The following CARD9 variants were observed in gnomAD, a reference collection of about 807,000 sequenced individuals.
The protein encoded by CARD9 is caspase recruitment domain-containing protein 9.
In CARD9, 53 loss-of-function variants were observed where a neutral mutation model predicts 66.0. That is an observed-to-expected ratio of 0.80 (90% CI 0.64 to 1.01). CARD9 has a LOEUF of 1.01. Ranked by LOEUF, CARD9 falls within the 50% of genes least tolerant of loss-of-function variation. CARD9 has a pLI of 0.00. For synonymous variants in CARD9, 387 were observed against 313.8 expected, an observed-to-expected ratio of 1.23 and a Z score of -2.47; for missense variants, 769 against 743.2, an observed-to-expected ratio of 1.03 and a Z score of -0.40.
intron 7 of CARD9, among the ~76,000 whole-genome samples, chr9:136,368,459 G>A (rs1385842375): frequency 2.6e-5 from 4 of 152,240 alleles, no homozygotes; most frequent in Non-Finnish European, 5.9e-5. Flanking sequence ...GAGTGAGGCT[G>A]AGGTGGGGCT....
At chr9:136,370,187 G>A (rs1385782880) in intron 6 of CARD9, 107 bp downstream of exon 6, 7 of 1,512,890 alleles carry the variant, frequency 4.6e-6, no homozygotes, top group African/African-American at 2.8e-5. Flanking sequence ...TGGAGGCGCT[G>A]CACTGGGGTC....
intron 7 of CARD9, among the ~76,000 whole-genome samples, chr9:136,368,205 G>A (rs1182582973): frequency 2.0e-5 from 3 of 152,240 alleles, no homozygotes; most frequent in Admixed American, 1.3e-4. Flanking sequence ...TCCTCACTGC[G>A]GACACTGAGA....
In CARD9 at chr9:136,370,966, A is replaced by G. The variant is rs1195029502; in HGVS notation, c.502T>C (p.Cys168Arg). 8 of 1,610,322 alleles carry G rather than the reference A, an allele frequency of 5.0e-6. No homozygotes were observed. Among genetic ancestry groups the G allele is most frequent in the Admixed American group, 1.7e-5 (1 of 59,776 alleles). ...QERVQRLKEE[C>R]EAGSRELKRC... ...TTGAGCTCGCGGCTGCCGGCCTCGC[A>G]CTCCTCCTTGAGCCTCTGCACACGC... Residue 168 changes from cysteine (C) to arginine (R), a missense_variant, in exon 4 of 13, where the codon TGC (cysteine) becomes CGC (arginine). By Grantham distance (180) the Cys-to-Arg change is radical (BLOSUM62 -3). Transcript: ENST00000371732.
At chr9:136,372,244 C>T (rs144167615) in intron 1 of CARD9, 150 bp from the exon 2 acceptor site, 12,993 of 1,111,946 alleles carry the variant, frequency 0.012, 145 homozygotes, top group Non-Finnish European at 0.013. Context: ...TGCCCAGCTC[C>T]ATGTCCCATC....
Position 136,364,243 on chromosome 9 carries a change from C to CCGGGTGGCAGGAGG in CARD9, c.*45_*58dup. ...TCTGCGCCCCAGGGCGTCGGCACCC[C>CCGGGTGGCAGGAGG]CGGGTGGCAGGAGGCCGGGCCGGTG... On this transcript the variant is annotated 3_prime_UTR_variant, in exon 13 of 13. Coordinates refer to ENST00000371732, the MANE Select transcript of CARD9 (RefSeq NM_052813.5). 7 of 1,550,454 alleles carry CCGGGTGGCAGGAGG rather than the reference C, an allele frequency of 4.5e-6. No individual in the cohort carries two copies. Among genetic ancestry groups the CCGGGTGGCAGGAGG allele is most frequent in the Non-Finnish European group, 6.1e-6 (7 of 1,146,660 alleles).
intron 10 of CARD9, 94 bp from the exon 11 acceptor site, chr9:136,365,311 G>A: frequency 2.5e-6 from 3 of 1,190,496 alleles, no homozygotes; most frequent in Admixed American, 3.8e-5. Flanking sequence ...CAGTGGGGCT[G>A]TCTTCCAAGG....
intron 3 of CARD9, 25 bp from the exon 4 acceptor site, chr9:136,371,170 G>A: frequency 1.2e-6 from 2 of 1,610,614 alleles, no homozygotes; most frequent in Non-Finnish European, 1.7e-6. Flanking sequence ...AGTGTCAGAT[G>A]GTGCCGTGTT....
rs1462985722 is a variant in CARD9, at chr9:136,372,064, C to T, written c.15G>A (p.Glu5=). ...GGACGCTCCAGCACTCGTCATCGTT[C>T]TCGTAGTCCGACATGGCCTCAGCAG... MSDY[E]NDDECWSVLE... is the part of the protein sequence containing the mutation. The change falls in exon 2 of 13, where the codon GAG becomes GAA. Residue 5 remains glutamate, a synonymous_variant. Coordinates refer to ENST00000371732, the MANE Select transcript of CARD9 (RefSeq NM_052813.5). 1.9e-6 allele frequency: 3 copies of T among 1,612,686 alleles called. No homozygotes were observed. Among genetic ancestry groups the T allele is most frequent in the Middle Eastern group, 3.3e-4 (2 of 6,054 alleles).
intron 7 of CARD9, among the ~76,000 whole-genome samples, chr9:136,368,773 C>T (rs1833187112): frequency 6.6e-6 from 1 of 152,202 alleles, no homozygotes; most frequent in South Asian, 2.1e-4. Flanking sequence ...GCTGCAGCCT[C>T]AGCCTCCTAA....
At position 136,373,529 on chromosome 9, in the gene CARD9, C is replaced by T. The variant is rs915328417; in HGVS notation, c.-17+3G>A. On this transcript the variant is annotated splice_donor_region_variant and intron_variant, in intron 1 of 12. Coordinates refer to ENST00000371732, the MANE Select transcript of CARD9 (RefSeq NM_052813.5). ...CCTTTCAGAAAGCACCAGACCCACC[C>T]ACCTGAGGGTCTTCCAGGAGCCACC... The T allele has an allele frequency of 1.2e-5, 12 of 985,604 alleles. No individual in the cohort carries two copies. Among genetic ancestry groups the T allele is most frequent in the Admixed American group, 6.1e-5 (1 of 16,270 alleles). 61.1% of individuals were successfully genotyped at this position (985,604 alleles called of 1,614,324 possible).
chr9:136,364,236 G>A lies in CARD9; in HGVS notation c.*66C>T. 1 of 1,550,388 alleles carries A rather than the reference G, an allele frequency of 6.4e-7. No individual in the cohort carries two copies. Among genetic ancestry groups the A allele is most frequent in the Non-Finnish European group, 8.7e-7 (1 of 1,146,678 alleles). On this transcript the variant is annotated 3_prime_UTR_variant, in exon 13 of 13. Transcript: ENST00000371732. ...GGGGAAGTCTGCGCCCCAGGGCGTC[G>A]GCACCCCCGGGTGGCAGGAGGCCGG... is the stretch of plus-strand genomic sequence containing the variant.
rs575640702 is a variant in CARD9 at position 136,373,641 on chromosome 9, G to T, written c.-126C>A. 1.6e-3 allele frequency: 1,481 copies of T among 919,494 alleles called. No individual in the cohort carries two copies. Among genetic ancestry groups the T allele is most frequent in the Non-Finnish European group, 1.8e-3 (1,388 of 769,736 alleles). 57.0% of individuals were successfully genotyped at this position (919,494 alleles called of 1,614,324 possible). A position where few individuals can be genotyped will look rare whatever the true frequency, so the allele number is the denominator to read the frequency against. On this transcript the variant is annotated 5_prime_UTR_variant, in exon 1 of 13. Transcript: ENST00000371732. ...GCAGGGAGGGAGGAGCACGCCGGAC[G>T]CCTGTGCACTTCCTGATGGGTTCTG...
At chr9:136,373,454 GGGATCAGTGCCA>G (rs1056446178) in intron 1 of CARD9, 66 bp downstream of exon 1, 74 of 974,302 alleles carry the variant, frequency 7.6e-5, no homozygotes, top group Non-Finnish European at 8.8e-5. Context: ...GCTGCTCTGG[GGGATCAGTGCCA>G]GGATCCTGAA....
At chr9:136,366,677 T>C in intron 10 of CARD9, 123 bp downstream of exon 10, 1 of 1,044,554 alleles carries the variant, frequency 9.6e-7, no homozygotes, top group South Asian at 1.3e-5. Context: ...CCAGTTTCCC[T>C]GTCTGTGGAG....
At position 136,364,419 on chromosome 9, in the gene CARD9, T is replaced by C. The variant is rs1833064645; in HGVS notation, c.1512-18A>G. On this transcript the variant is annotated intron_variant, in intron 12 of 12. Coordinates refer to ENST00000371732, the MANE Select transcript of CARD9 (RefSeq NM_052813.5). ...CGCGCTTCCTGTGAAGACAGGTGTCTCAGGCGCGACCCGGCTGCCGCTCCC... is the reference window on the plus strand; with the variant it reads ...CGCGCTTCCTGTGAAGACAGGTGTCCCAGGCGCGACCCGGCTGCCGCTCCC... The C allele has an allele frequency of 6.5e-7, 1 of 1,543,826 alleles. No individual in the cohort carries two copies. Among genetic ancestry groups the C allele is most frequent in the Admixed American group, 2.0e-5 (1 of 51,166 alleles).
At position 136,367,707 on chromosome 9, in the gene CARD9, A is replaced by C; in HGVS notation, c.1199T>G (p.Phe400Cys). The C allele has an allele frequency of 6.2e-7, 1 of 1,603,980 alleles. No homozygotes were observed. Among genetic ancestry groups the C allele is most frequent in the Non-Finnish European group, 8.5e-7 (1 of 1,179,144 alleles). The change falls in exon 8 of 13, where the codon TTC (phenylalanine) becomes TGC (cysteine). Residue 400 changes from phenylalanine (F) to cysteine (C), a missense_variant. Phe to Cys is a radical substitution (Grantham distance 205). Coordinates refer to ENST00000371732, the MANE Select transcript of CARD9 (RefSeq NM_052813.5). The stretch of plus-strand genomic sequence containing the variant: ...GGCCAGTAGCTGCGCCTCACACTGG[A>C]ACACCTGCAGCTGCAGCTCATCCGC... ...EKADELQLQV[F>C]QCEAQLLAVE...
chr9:136,366,822 C>T lies in CARD9; in HGVS notation c.1335G>A (p.Glu445=), dbSNP rs1400378173. The change falls in exon 10 of 13, where the codon GAG becomes GAA. Residue 445 remains glutamate, a synonymous_variant. Transcript: ENST00000371732. ...CACCTTTGTCTGAGAGCTGGGTGTC[C>T]TCCAGGTCCTGGGGGAGTGAGAGCT... The part of the protein sequence containing the change: ...SQELSLPQDL[E]DTQLSDKGCL... 17 of 1,612,984 alleles carry T rather than the reference C, an allele frequency of 1.1e-5. No homozygotes were observed. The highest frequency in any genetic ancestry group is 1.6e-4 in the Middle Eastern group (1 of 6,082).
chr9:136,372,938 G>A (rs1221042562), intron 1 of CARD9, among the ~76,000 whole-genome samples: 1 of 152,198 alleles, frequency 6.6e-6, no homozygotes, highest in Non-Finnish European at 1.5e-5. Context: ...GATGAGGCCC[G>A]GCCCCCATCC....
At chr9:136,368,902 C>T (rs1473000390) in intron 7 of CARD9, among the ~76,000 whole-genome samples, 2 of 152,172 alleles carry the variant, frequency 1.3e-5, no homozygotes, top group Non-Finnish European at 2.9e-5. Context: ...TCACTGCAAC[C>T]TCTGCCTCCT....
Sources: allele counts gnomAD v4.1 joint callset (sites outside exome capture counted in the v4.1 genomes callset), GRCh38; gene constraint gnomAD v4.1.1; transcripts MANE v1.5; gene names NCBI Gene and HGNC (gene_info 2026-07-23, HGNC 2026-07-21).